Variants in ARID1B observed in about 807,000 individuals in gnomAD.
ARID1B encodes AT-rich interaction domain 1B, also known as AT-rich interactive domain-containing protein 1B.
Under a neutral mutation model 212.3 loss-of-function variants are expected in ARID1B, and 30 were observed. The ratio of observed to expected loss-of-function variants is 0.14; its 90% confidence interval spans 0.11 to 0.19. The LOEUF is 0.19. Ranked by LOEUF, ARID1B falls within the 10% of genes least tolerant of loss-of-function variation. The pLI is 1.00. For missense variants in ARID1B, 2,891 were observed against 3,204.0 expected, an observed-to-expected ratio of 0.90 and a Z score of 2.36; for synonymous variants, 1,402 against 1,301.7, an observed-to-expected ratio of 1.08 and a Z score of -1.66.
chr6:156,941,423 A>G (rs1419147450), intron 4 of ARID1B: 1 of 152,220 alleles, frequency 6.6e-6, no homozygotes, highest in East Asian at 1.9e-4. Flanking sequence ...CTTAGGATTC[A>G]TCAAGTTCTT....
At chr6:156,799,049 A>G (rs999224784) in intron 1 of ARID1B, among the ~76,000 whole-genome samples, 2 of 152,194 alleles carry the variant, frequency 1.3e-5, no homozygotes, top group African/African-American at 4.8e-5. Context: ...TTTAAATTTC[A>G]ACTCGTGTAC....
intron 4 of ARID1B, among the ~76,000 whole-genome samples, chr6:157,043,175 CAACT>C (rs1782002494): frequency 6.6e-6 from 1 of 152,178 alleles, no homozygotes; most frequent in South Asian, 2.1e-4. Flanking sequence ...TTCCAACCCC[CAACT>C]AACAGAGTCC....
intron 9 of ARID1B, among the ~76,000 whole-genome samples, chr6:157,171,947 T>C (rs1791744713): frequency 1.3e-5 from 2 of 152,206 alleles, no homozygotes; most frequent in South Asian, 2.1e-4. Context: ...CATACATAAT[T>C]TATTGTAAAT....
chr6:156,909,733 G>C (rs1380587669), intron 3 of ARID1B, among the ~76,000 whole-genome samples: 1 of 152,154 alleles, frequency 6.6e-6, no homozygotes, highest in Admixed American at 6.5e-5. Context: ...TTGCTCATCT[G>C]TTTCCTGTAC....
chr6:157,149,613 T>G (rs992960232), intron 8 of ARID1B: 4 of 152,364 alleles, frequency 2.6e-5, no homozygotes, highest in African/African-American at 9.6e-5. Context: ...GACTTAAAAA[T>G]TAATTTTGAA....
intron 13 of ARID1B, chr6:157,186,440 A>T (rs965022611): frequency 2.1e-6 from 1 of 470,978 alleles, no homozygotes; most frequent in Non-Finnish European, 4.4e-6. Flanking sequence ...GAGCGCGTGC[A>T]GGGGGCTCCA....
At chr6:157,154,982 T>C (rs1790483330) in intron 8 of ARID1B, among the ~76,000 whole-genome samples, 1 of 152,224 alleles carries the variant, frequency 6.6e-6, no homozygotes, top group Non-Finnish European at 1.5e-5. Flanking sequence ...ATCCTGCTCC[T>C]AGAAACCAAA....
chr6:156,904,556 T>C (rs1263541142), intron 3 of ARID1B, among the ~76,000 whole-genome samples: 1 of 152,198 alleles, frequency 6.6e-6, no homozygotes, highest in Non-Finnish European at 1.5e-5. Context: ...GTATTGCAGG[T>C]TGTAGCCAAT....
intron 13 of ARID1B, chr6:157,184,800 A>C (rs957202673): frequency 1.0e-5 from 3 of 294,550 alleles, no homozygotes; most frequent in African/African-American, 6.7e-5. Context: ...GTTTGAATAC[A>C]TGTGCACTTC....
chr6:156,823,085 A>G (rs1482708702), intron 1 of ARID1B, among the ~76,000 whole-genome samples: 2 of 152,110 alleles, frequency 1.3e-5, no homozygotes, highest in African/African-American at 4.8e-5. Context: ...CATGGCTGTG[A>G]TCTGTGTGCA....
intron 3 of ARID1B, among the ~76,000 whole-genome samples, chr6:156,905,115 T>C (rs1789256244): frequency 2.0e-5 from 3 of 152,172 alleles, no homozygotes; most frequent in Non-Finnish European, 1.5e-5. Context: ...TTGTTGGTCT[T>C]TAAAAATTAT....
At chr6:157,140,770 G>A (rs758168115) in intron 7 of ARID1B, 6 of 396,800 alleles carry the variant, frequency 1.5e-5, no homozygotes, top group African/African-American at 4.1e-5. Flanking sequence ...CTTGGGGTCC[G>A]CCTCTGACGT....
At chr6:156,798,332 G>A (rs1463779217) in intron 1 of ARID1B, among the ~76,000 whole-genome samples, 1 of 152,236 alleles carries the variant, frequency 6.6e-6, no homozygotes, top group Admixed American at 6.5e-5. Context: ...GCCTGGGGTC[G>A]TGCCTGGCAT....
At chr6:157,186,521 A>G in intron 13 of ARID1B, 2 of 471,154 alleles carry the variant, frequency 4.2e-6, no homozygotes, top group South Asian at 3.1e-5. Context: ...ATTCACTGCC[A>G]CCCACACAGC....
intron 2 of ARID1B, among the ~76,000 whole-genome samples, chr6:156,834,632 A>G (rs1044364553): frequency 6.6e-6 from 1 of 152,226 alleles, no homozygotes; most frequent in Non-Finnish European, 1.5e-5. Context: ...ATGCTATGAA[A>G]TTTCACTATG....
At position 157,190,737 on chromosome 6, in the gene ARID1B, C is replaced by T. The variant is rs747822132; in HGVS notation, c.4231+527C>T. On this transcript the variant is annotated intron_variant, in intron 15 of 19. Coordinates refer to ENST00000636930, the MANE Select transcript of ARID1B (RefSeq NM_001374828.1). The surrounding 1 kb of genome is among the most constrained non-coding windows in gnomAD (Gnocchi z 4.6). ...TGCCTTCTTACTTCCTGGGAGGAAG[C>T]AAAAAATAAGTTAAGCACAAATAAG... Among the ~76,000 whole-genome samples the T allele has an allele frequency of 6.6e-6, 1 of 152,064 alleles. No homozygotes were observed. Among genetic ancestry groups the T allele is most frequent in the Admixed American group, 6.5e-5 (1 of 15,272 alleles).
intron 1 of ARID1B, among the ~76,000 whole-genome samples, chr6:156,812,985 T>TACATATGTATGTATATACATATATATAC (rs773374218): frequency 3.8e-5 from 4 of 106,390 alleles, no homozygotes; most frequent in South Asian, 3.3e-4. Flanking sequence ...TGTATGTATA[T>TACATATGTATGTATATACATATATATAC]ACATACGTAT....
At chr6:157,045,656 G>A (rs991218225) in intron 4 of ARID1B, among the ~76,000 whole-genome samples, 1 of 152,134 alleles carries the variant, frequency 6.6e-6, no homozygotes, top group Non-Finnish European at 1.5e-5. Flanking sequence ...CAATGTCATT[G>A]AAACAAAACT....
intron 2 of ARID1B, among the ~76,000 whole-genome samples, chr6:156,866,853 T>C (rs909104123): frequency 6.6e-6 from 1 of 152,202 alleles, no homozygotes; most frequent in African/African-American, 2.4e-5. Context: ...TTTGAATGGT[T>C]TATACTACTT....
Sources: gnomAD v4.1 joint callset for allele counts (sites outside exome capture counted in the v4.1 genomes callset) on GRCh38, gnomAD v4.1.1 for gene constraint, Gnocchi (gnomAD v3.1) non-coding constraint, MANE v1.5 for transcripts, NCBI Gene and HGNC (gene_info 2026-07-23, HGNC 2026-07-21) for gene names.